HECTD4: variants seen among roughly 807,000 people sequenced by gnomAD.
HECTD4 encodes the protein HECT domain E3 ubiquitin protein ligase 4.
HECTD4 carries 114 observed loss-of-function variants against 471.5 expected under a neutral mutation model. The ratio of observed to expected loss-of-function variants is 0.24; its 90% CI spans 0.21 to 0.28. The LOEUF (loss-of-function observed/expected upper bound fraction) is 0.28. HECTD4 is among the 10% of genes least tolerant of loss of function. The pLI is 1.00. For missense variants in HECTD4, 3,866 were observed against 5,651.5 expected (o/e 0.68, Z 10.13); for synonymous variants, 2,012 against 2,256.0 (o/e 0.89, Z 3.07).
At chr12:112,258,904 G>T (rs1327416533) in intron 19 of HECTD4, 9 of 581,982 alleles carry the variant, frequency 1.5e-5, no homozygotes, top group Admixed American at 7.2e-5. Flanking sequence ...TTGCTAAAAG[G>T]TTGCAGTTAG....
At chr12:112,257,885 G>A (rs1466152066) in intron 20 of HECTD4, among the ~76,000 whole-genome samples, 1 of 152,132 alleles carries the variant, frequency 6.6e-6, no homozygotes, top group African/African-American at 2.4e-5. Flanking sequence ...ATAGGTGTAT[G>A]TTTAACTTTT....
chr12:112,239,789 A>G lies in HECTD4; in HGVS notation c.5105+92T>C. On this transcript the variant is annotated intron_variant, in intron 33 of 75. Coordinates refer to ENST00000682272, the MANE Select transcript of HECTD4 (RefSeq NM_001388303.1). The surrounding 1 kb of genome is among the most constrained non-coding windows in gnomAD (Gnocchi z 4.9). ...TAGCTAGCTCTGGATAATGAAAGCA[A>G]AAAATCCAATTTTTAAAATTAAAAA... is the stretch of plus-strand genomic sequence containing the variant. 1 of 1,317,094 alleles carries G rather than the reference A, an allele frequency of 7.6e-7. No homozygotes were observed. Among genetic ancestry groups the G allele is most frequent in the Non-Finnish European group, 1.0e-6 (1 of 978,120 alleles). The allele number at this position is 1,317,094 out of a possible 1,614,324, so 81.6% of individuals were successfully genotyped here.
intron 55 of HECTD4, among the ~76,000 whole-genome samples, chr12:112,197,806 A>T (rs2032290991): frequency 6.6e-6 from 1 of 152,256 alleles, no homozygotes; most frequent in South Asian, 2.1e-4. Flanking sequence ...AAAAGCTTTT[A>T]ATAATACCAT....
intron 1 of HECTD4, among the ~76,000 whole-genome samples, chr12:112,375,666 G>T (rs560394794): frequency 6.6e-6 from 1 of 152,166 alleles, no homozygotes; most frequent in East Asian, 1.9e-4. Flanking sequence ...ATCTTAAAAA[G>T]AATAATGTTC....
In HECTD4 at chr12:112,226,694, A is replaced by G. The variant is rs753801791; in HGVS notation, c.6919T>C (p.Cys2307Arg). The G allele has an allele frequency of 8.1e-6, 13 of 1,613,266 alleles. No homozygotes were observed. Among genetic ancestry groups the G allele is most frequent in the Middle Eastern group, 1.6e-4 (1 of 6,082 alleles). ...SLFCEEFIQQCPAAVEVLNLV... is the reference protein window; with the variant it reads ...SLFCEEFIQQRPAAVEVLNLV... ...TTAAGAACTTCAACAGCTGCTGGAC[A>G]TTGTTGTATGAATTCTTCACAAAAT... Residue 2307 changes from cysteine (C) to arginine (R), a missense_variant, in exon 44 of 76, where the codon TGT becomes CGT. Cys to Arg is a radical substitution (Grantham distance 180). This residue lies in a region of HECTD4 where 617 missense variants were observed against 915.1 expected (regional missense o/e 0.67). Coordinates refer to ENST00000682272, the MANE Select transcript of HECTD4 (RefSeq NM_001388303.1).
chr12:112,373,899 G>T (rs1451397051), intron 1 of HECTD4, among the ~76,000 whole-genome samples: 2 of 151,738 alleles, frequency 1.3e-5, no homozygotes, highest in South Asian at 4.2e-4. Context: ...AACTACTCGG[G>T]AGGCTGAGGC....
Position 112,219,375 on chromosome 12 carries a change from A to G in HECTD4, c.7074+11T>C. ...GGCTGCAGGAGGCGCGAAGCACCGC[A>G]GAGGGCTCACCTGTCTTCGGTCAGC... On this transcript the variant is annotated intron_variant, in intron 45 of 75. Coordinates refer to ENST00000682272, the MANE Select transcript of HECTD4 (RefSeq NM_001388303.1). The G allele has an allele frequency of 6.2e-7, 1 of 1,608,442 alleles. No homozygotes were observed. The highest frequency in any genetic ancestry group is 8.5e-7 in the Non-Finnish European group (1 of 1,175,386).
At chr12:112,316,674 T>C (rs544662356) in intron 2 of HECTD4, among the ~76,000 whole-genome samples, 3 of 152,314 alleles carry the variant, frequency 2.0e-5, no homozygotes, top group African/African-American at 4.8e-5. Flanking sequence ...TAAATGTTAG[T>C]TGGTTGAATG....
chr12:112,355,041 C>T (rs2036309044), intron 1 of HECTD4, among the ~76,000 whole-genome samples: 1 of 149,168 alleles, frequency 6.7e-6, no homozygotes, highest in Non-Finnish European at 1.5e-5. Context: ...AGTGCAGTGG[C>T]GCTATCTCGG....
At chr12:112,176,740 T>C (rs755444564) in intron 64 of HECTD4, 38 bp from the exon 65 acceptor site, 1 of 1,363,920 alleles carries the variant, frequency 7.3e-7, no homozygotes, top group African/African-American at 1.4e-5. Context: ...TAATGCACGT[T>C]CACACCTCCT....
chr12:112,207,899 G>A lies in HECTD4; in HGVS notation c.8106C>T (p.Asp2702=), dbSNP rs574585457. The A allele has an allele frequency of 4.8e-5, 77 of 1,613,898 alleles. No individual in the cohort carries two copies. The highest frequency in any genetic ancestry group is 6.1e-5 in the Non-Finnish European group (72 of 1,179,866). The part of the protein sequence containing the change: ...RNEAERKSGL[D]QIKGALQLGM... ...CTAGTTGTAAGGCCCCCTTTATCTG[G>A]TCCAGGCCCGATTTCCGCTCTGCTT... Residue 2702 remains aspartate, a synonymous_variant, in exon 52 of 76, where the codon GAC becomes GAT. Transcript: ENST00000682272.
rs977264675 is a variant in HECTD4 at position 112,381,267 on chromosome 12, C to T, written c.177+685G>A. Among the ~76,000 whole-genome samples, 1 of 152,174 alleles carries T rather than the reference C, an allele frequency of 6.6e-6. No individual in the cohort carries two copies. Among genetic ancestry groups the T allele is most frequent in the African/African-American group, 2.4e-5 (1 of 41,452 alleles). ...TGAACCCGGGATGCTTGGCGACCCC[C>T]GGGGCACACAAAAAGGCCCTGCGGC... On this transcript the variant is annotated intron_variant, in intron 1 of 75. Coordinates refer to ENST00000682272, the MANE Select transcript of HECTD4 (RefSeq NM_001388303.1). This position sits in a 1 kb window ranked among gnomAD's most constrained non-coding sequence, Gnocchi z 4.1.
rs370482192 is a variant in HECTD4 at position 112,291,728 on chromosome 12, C to T, written c.1336-8426G>A. Among the ~76,000 whole-genome samples, 46 of 152,144 alleles carry T rather than the reference C, an allele frequency of 3.0e-4. 1 individual carries two copies. The South Asian group carries it at 9.6e-3, about 32-fold the overall frequency. ...TCTACTAAAAATACAAAAAATCAGC[C>T]AGGCGTGGTGGTGGGCCCCTCTAGT... On this transcript the variant is annotated intron_variant, in intron 7 of 75. Coordinates refer to ENST00000682272, the MANE Select transcript of HECTD4 (RefSeq NM_001388303.1).
chr12:112,196,021 G>T (rs2032231467), intron 55 of HECTD4, among the ~76,000 whole-genome samples: 1 of 152,132 alleles, frequency 6.6e-6, no homozygotes, highest in South Asian at 2.1e-4. Flanking sequence ...TCGCCCTGTA[G>T]TCTCAGCTAC....
At position 112,231,495 on chromosome 12, in the gene HECTD4, T is replaced by C; in HGVS notation, c.6200+18A>G. 1.9e-6 allele frequency: 3 copies of C among 1,610,610 alleles called. No homozygotes were observed. The highest frequency in any genetic ancestry group is 2.5e-6 in the Non-Finnish European group (3 of 1,176,776). On this transcript the variant is annotated intron_variant, in intron 39 of 75. Coordinates refer to ENST00000682272, the MANE Select transcript of HECTD4 (RefSeq NM_001388303.1). Reference sequence around the variant, plus strand: ...ACCTGAGATGAGTGTGGACAGCTCCTACCTGTGGAAGGTTTACCTTGCAAG... The same window carrying C: ...ACCTGAGATGAGTGTGGACAGCTCCCACCTGTGGAAGGTTTACCTTGCAAG...
chr12:112,165,826 G>A (rs1433667760), intron 72 of HECTD4, among the ~76,000 whole-genome samples: 2 of 152,222 alleles, frequency 1.3e-5, no homozygotes, highest in Non-Finnish European at 2.9e-5. Flanking sequence ...CACTGTGCTT[G>A]CTGGGCTACC....
chr12:112,189,335 G>A (rs541964606), intron 60 of HECTD4, among the ~76,000 whole-genome samples: 1 of 151,982 alleles, frequency 6.6e-6, no homozygotes, highest in African/African-American at 2.4e-5. Context: ...GGTGGATCAC[G>A]AGGTCAGGAG....
Position 112,219,380 on chromosome 12 carries a change from G to A in HECTD4, c.7074+6C>T, listed in dbSNP as rs374323140. On this transcript the variant is annotated splice_donor_region_variant and intron_variant, in intron 45 of 75. Coordinates refer to ENST00000682272, the MANE Select transcript of HECTD4 (RefSeq NM_001388303.1). ...CAGGAGGCGCGAAGCACCGCAGAGG[G>A]CTCACCTGTCTTCGGTCAGCCTGCA... is the stretch of plus-strand genomic sequence containing the variant. 3.1e-5 allele frequency: 50 copies of A among 1,610,520 alleles called. No homozygotes were observed. Among genetic ancestry groups the A allele is most frequent in the Non-Finnish European group, 4.2e-5 (49 of 1,177,150 alleles).
Position 112,228,341 on chromosome 12 carries a change from G to A in HECTD4, c.6685-83C>T, listed in dbSNP as rs910147763. Reference sequence around the variant, plus strand: ...AATGAGGGTGTTATTATTATCTGGAGTTAATTCTTAAATTTTCAGTTAAAA... The same window carrying A: ...AATGAGGGTGTTATTATTATCTGGAATTAATTCTTAAATTTTCAGTTAAAA... On this transcript the variant is annotated intron_variant, in intron 42 of 75. Transcript: ENST00000682272. The surrounding 1 kb of genome is among the most constrained non-coding windows in gnomAD (Gnocchi z 4.9). 2.7e-5 allele frequency: 35 copies of A among 1,314,184 alleles called. No homozygotes were observed. The highest frequency in any genetic ancestry group is 3.2e-5 in the Non-Finnish European group (32 of 1,003,312). The allele number at this position is 1,314,184 out of a possible 1,614,324, so 81.4% of individuals were successfully genotyped here.
Sources: allele counts gnomAD v4.1 joint callset (sites outside exome capture counted in the v4.1 genomes callset), GRCh38; gene constraint gnomAD v4.1.1; regional missense constraint gnomAD v4.1.1; non-coding constraint Gnocchi (gnomAD v3.1); transcripts MANE v1.5; gene names NCBI Gene and HGNC (gene_info 2026-07-23, HGNC 2026-07-21).